KDM5A: variants seen among roughly 807,000 people sequenced by gnomAD.
The protein encoded by KDM5A is lysine demethylase 5A.
In KDM5A, 42 loss-of-function variants were observed where a neutral mutation model predicts 193.5. The ratio of observed to expected loss-of-function variants is 0.22; its 90% CI spans 0.17 to 0.28. The LOEUF is 0.28. KDM5A is among the 10% of genes least tolerant of loss of function. The pLI, the probability that KDM5A is intolerant of heterozygous loss-of-function variation, is 1.00. For synonymous variants in KDM5A, 796 were observed against 718.1 expected, an observed-to-expected ratio of 1.11 and a Z score of -1.73; for missense variants, 1,692 against 2,055.1, an observed-to-expected ratio of 0.82 and a Z score of 3.42.
chr12:358,502 G>A (rs979099293), intron 5 of KDM5A, among the ~76,000 whole-genome samples: 5 of 152,166 alleles, frequency 3.3e-5, no homozygotes, highest in African/African-American at 1.2e-4. Flanking sequence ...GCTGATATAT[G>A]TTGAGTAAAT....
intron 17 of KDM5A, among the ~76,000 whole-genome samples, 160 bp from the exon 18 acceptor site, chr12:321,269 T>C (rs1334523167): frequency 6.6e-6 from 1 of 152,246 alleles, no homozygotes; most frequent in Non-Finnish European, 1.5e-5. Context: ...AGTTGAGTTA[T>C]TCAGTTAATG....
chr12:352,449 CAA>C (rs755237442), intron 8 of KDM5A, 125 bp from the exon 9 acceptor site: 29 of 823,054 alleles, frequency 3.5e-5, no homozygotes, highest in African/African-American at 5.1e-5. Context: ...CCCTAGACAA[CAA>C]AACAAATATC....
chr12:339,248 A>G (rs1389878490), intron 10 of KDM5A, among the ~76,000 whole-genome samples: 2 of 152,154 alleles, frequency 1.3e-5, no homozygotes. Context: ...ATATCACAGA[A>G]GCTCAACACA....
intron 5 of KDM5A, among the ~76,000 whole-genome samples, chr12:359,719 G>C (rs1406103203): frequency 7.1e-6 from 1 of 141,184 alleles, no homozygotes; most frequent in East Asian, 2.4e-4. Context: ...TCCAGCCTGG[G>C]TGACAGAGCC....
intron 3 of KDM5A, among the ~76,000 whole-genome samples, chr12:369,172 C>G (rs1006885221): frequency 6.7e-6 from 1 of 148,826 alleles, no homozygotes; most frequent in Non-Finnish European, 1.5e-5. Context: ...CCTCTCTGTT[C>G]AAACAATCAA....
At chr12:294,868 C>A (rs1943349408) in intron 26 of KDM5A, among the ~76,000 whole-genome samples, 1 of 152,176 alleles carries the variant, frequency 6.6e-6, no homozygotes, top group South Asian at 2.1e-4. Context: ...AGCTCCCCTA[C>A]CCATTCCTCT....
At chr12:328,621 G>T (rs1400575375) in intron 14 of KDM5A, among the ~76,000 whole-genome samples, 1 of 152,124 alleles carries the variant, frequency 6.6e-6, no homozygotes, top group Non-Finnish European at 1.5e-5. Context: ...ATTCTGATAG[G>T]ACTTGTTTTA....
At chr12:329,626 G>C (rs1335893122) in intron 13 of KDM5A, among the ~76,000 whole-genome samples, 2 of 151,952 alleles carry the variant, frequency 1.3e-5, no homozygotes, top group Non-Finnish European at 2.9e-5. Flanking sequence ...TTAAAAACAA[G>C]TCTGGCAGAA....
intron 8 of KDM5A, among the ~76,000 whole-genome samples, 156 bp downstream of exon 8, chr12:353,920 C>CAA (rs35599427): frequency 0.017 from 2,054 of 120,464 alleles, 40 homozygotes; most frequent in Non-Finnish European, 0.025. Context: ...GACACCATCT[C>CAA]AAAAAAAAAA....
intron 18 of KDM5A, among the ~76,000 whole-genome samples, chr12:319,597 C>T (rs921322316): frequency 6.6e-6 from 1 of 151,866 alleles, no homozygotes; most frequent in Non-Finnish European, 1.5e-5. Flanking sequence ...ACAAAACATA[C>T]AAAAATTAGC....
chr12:284,284 C>G lies in KDM5A; in HGVS notation c.*1172G>C. 1 of 228,266 alleles carries G rather than the reference C, an allele frequency of 4.4e-6. No individual in the cohort carries two copies. Among genetic ancestry groups the G allele is most frequent in the Non-Finnish European group, 8.7e-6 (1 of 115,402 alleles). The allele number at this position is 228,266 out of a possible 1,614,324, so 14.1% of individuals were successfully genotyped here. ...AAAAATAATCTATGTATAGAACAGT[C>G]AGTAGTCAGAGACATTTAGAAAAAA... On this transcript the variant is annotated 3_prime_UTR_variant, in exon 28 of 28. Transcript: ENST00000399788.
At chr12:376,128 T>C (rs1944501028) in intron 3 of KDM5A, among the ~76,000 whole-genome samples, 1 of 152,200 alleles carries the variant, frequency 6.6e-6, no homozygotes, top group African/African-American at 2.4e-5. Context: ...GACATTTAAG[T>C]CTGCAGAGGT....
intron 20 of KDM5A, among the ~76,000 whole-genome samples, chr12:311,969 G>A (rs1169365498): frequency 1.3e-5 from 2 of 152,180 alleles, no homozygotes; most frequent in Non-Finnish European, 2.9e-5. Context: ...AGGAGGCAGA[G>A]GTTGCAGTGA....
chr12:335,322 G>A (rs1417581085), intron 10 of KDM5A, among the ~76,000 whole-genome samples: 1 of 152,182 alleles, frequency 6.6e-6, no homozygotes, highest in Non-Finnish European at 1.5e-5. Context: ...TCATCCTTAT[G>A]GAGAACAGTT....
chr12:289,904 T>C (rs2137360593), intron 27 of KDM5A, among the ~76,000 whole-genome samples: 1 of 136,488 alleles, frequency 7.3e-6, no homozygotes, highest in East Asian at 2.1e-4. Flanking sequence ...TTTTTCTTTC[T>C]TTCTTTTTTT....
intron 24 of KDM5A, 128 bp downstream of exon 24, chr12:306,818 A>T (rs1234492820): frequency 1.0e-6 from 1 of 966,328 alleles, no homozygotes; most frequent in African/African-American, 1.6e-5. Context: ...CTAAAAACTC[A>T]GAACAGATAA....
intron 1 of KDM5A, among the ~76,000 whole-genome samples, chr12:387,711 A>C (rs919776890): frequency 1.3e-5 from 2 of 152,210 alleles, no homozygotes; most frequent in African/African-American, 4.8e-5. Context: ...ACTTATCCAG[A>C]TTAGCCTCAT....
At chr12:309,088 TA>T (rs1404962169) in intron 22 of KDM5A, among the ~76,000 whole-genome samples, 2 of 152,182 alleles carry the variant, frequency 1.3e-5, no homozygotes, top group Admixed American at 6.6e-5. Context: ...GAAAAGGTTA[TA>T]AAAGAAGTTC....
In KDM5A at chr12:304,446, C is replaced by CTT. The variant is rs67930424; in HGVS notation, c.4074+2498_4074+2499dup. Among the ~76,000 whole-genome samples, 125 of 112,560 alleles carry CTT rather than the reference C, an allele frequency of 1.1e-3. 2 individuals are homozygous for CTT. The highest frequency in any genetic ancestry group is 3.8e-3 in the African/African-American group (109 of 28,996). The allele number at this position is 112,560 out of a possible 152,430, so 73.8% of individuals were successfully genotyped here. ...GTGGGAAAATGCTCAAGAGTATAGG[C>CTT]TTTTTTTTTTTTTTTTTTTTCATTC... is the stretch of plus-strand genomic sequence containing the variant. On this transcript the variant is annotated intron_variant, in intron 24 of 27. Coordinates refer to ENST00000399788, the MANE Select transcript of KDM5A (RefSeq NM_001042603.3).
Sources: allele counts gnomAD v4.1 joint callset (sites outside exome capture counted in the v4.1 genomes callset), GRCh38; gene constraint gnomAD v4.1.1; transcripts MANE v1.5; gene names NCBI Gene and HGNC (gene_info 2026-07-23, HGNC 2026-07-21).